Variants in ARHGAP15 observed in about 807,000 individuals in gnomAD.
ARHGAP15 encodes the protein Rho GTPase activating protein 15.
In ARHGAP15, 51 loss-of-function variants were observed where a neutral mutation model predicts 63.7. The observed-to-expected ratio is 0.80, with a 90% CI of 0.64 to 1.01. The LOEUF (loss-of-function observed/expected upper bound fraction) is 1.01, where lower values mean the gene tolerates loss of function less well. Among genes scored for constraint, ARHGAP15 ranks in the 50% least tolerant of loss-of-function variants. The pLI is 0.00. For synonymous variants in ARHGAP15, 191 were observed against 193.8 expected, an observed-to-expected ratio of 0.99 and a Z score of 0.12; for missense variants, 560 against 564.6, an observed-to-expected ratio of 0.99 and a Z score of 0.08.
chr2:143,749,831 G>A (rs895113854), intron 13 of ARHGAP15, among the ~76,000 whole-genome samples: 2 of 152,164 alleles, frequency 1.3e-5, no homozygotes, highest in Non-Finnish European at 2.9e-5. Flanking sequence ...GATAATAGTA[G>A]ATAAAACTCT....
At chr2:143,224,100 C>T (rs1014591818) in intron 4 of ARHGAP15, among the ~76,000 whole-genome samples, 36 of 152,122 alleles carry the variant, frequency 2.4e-4, no homozygotes, top group Non-Finnish European at 4.4e-5. Flanking sequence ...ATATAAAATG[C>T]CAGGTGGCAT....
intron 12 of ARHGAP15, among the ~76,000 whole-genome samples, chr2:143,657,793 CTGATT>C (rs1371473191): frequency 6.6e-6 from 1 of 152,306 alleles, no homozygotes; most frequent in South Asian, 2.1e-4. Flanking sequence ...CTCTCCCCTC[CTGATT>C]TGATTTGTTG....
intron 12 of ARHGAP15, among the ~76,000 whole-genome samples, chr2:143,626,855 G>A (rs919612533): frequency 1.3e-5 from 2 of 152,096 alleles, no homozygotes; most frequent in Admixed American, 6.6e-5. Flanking sequence ...ATTATGATCT[G>A]AAAGTTTGTT....
intron 2 of ARHGAP15, among the ~76,000 whole-genome samples, chr2:143,180,762 C>T (rs1197575554): frequency 2.6e-5 from 4 of 152,096 alleles, no homozygotes; most frequent in East Asian, 1.9e-4. Context: ...CAAGCTCTGC[C>T]TCCCGGGTTC....
chr2:143,384,198 T>C (rs2104948566), intron 6 of ARHGAP15, among the ~76,000 whole-genome samples: 1 of 152,262 alleles, frequency 6.6e-6, no homozygotes, highest in South Asian at 2.1e-4. Flanking sequence ...ATTTTTTTTT[T>C]CTTTTCGTTG....
At chr2:143,729,654 T>G (rs1003858795) in intron 13 of ARHGAP15, among the ~76,000 whole-genome samples, 12 of 152,150 alleles carry the variant, frequency 7.9e-5, no homozygotes, top group African/African-American at 2.7e-4. Flanking sequence ...GAAAAACAAA[T>G]TTTCACCTTA....
chr2:143,442,390 C>T (rs965185220), intron 8 of ARHGAP15, among the ~76,000 whole-genome samples: 1 of 152,052 alleles, frequency 6.6e-6, no homozygotes, highest in Non-Finnish European at 1.5e-5. Flanking sequence ...TAAGACTTCC[C>T]AGTAGCATTG....
At chr2:143,663,691 T>G (rs1325385921) in intron 12 of ARHGAP15, among the ~76,000 whole-genome samples, 1 of 151,760 alleles carries the variant, frequency 6.6e-6, no homozygotes, top group Non-Finnish European at 1.5e-5. Context: ...CAGAGACACA[T>G]ATAGGCTCAA....
At chr2:143,756,630 A>T (rs1188425779) in intron 13 of ARHGAP15, among the ~76,000 whole-genome samples, 1 of 152,154 alleles carries the variant, frequency 6.6e-6, no homozygotes, top group Non-Finnish European at 1.5e-5. Context: ...TTTTAAAAGC[A>T]TGAGGAAAAA....
intron 4 of ARHGAP15, among the ~76,000 whole-genome samples, chr2:143,223,268 C>T (rs750931992): frequency 1.6e-4 from 24 of 152,204 alleles, no homozygotes; most frequent in Non-Finnish European, 2.9e-4. Context: ...GCCACCGCAC[C>T]TGGCCCAACA....
At chr2:143,457,712 A>G (rs999728394) in intron 8 of ARHGAP15, among the ~76,000 whole-genome samples, 5 of 151,684 alleles carry the variant, frequency 3.3e-5, no homozygotes, top group African/African-American at 1.2e-4. Context: ...ATTATTTTAA[A>G]ATGTGATCTG....
At chr2:143,339,981 G>C (rs553884026) in intron 6 of ARHGAP15, among the ~76,000 whole-genome samples, 65 of 152,140 alleles carry the variant, frequency 4.3e-4, no homozygotes, top group Non-Finnish European at 6.9e-4. Context: ...ATTCCTTCTT[G>C]ATTTCTAAAC....
intron 11 of ARHGAP15, among the ~76,000 whole-genome samples, chr2:143,579,587 G>A (rs533525360): frequency 6.6e-6 from 1 of 152,196 alleles, no homozygotes; most frequent in African/African-American, 2.4e-5. Flanking sequence ...CGTGAGGGGA[G>A]CTCGTCCAAA....
chr2:143,422,475 G>A (rs946585893), intron 6 of ARHGAP15, among the ~76,000 whole-genome samples: 1 of 152,128 alleles, frequency 6.6e-6, no homozygotes, highest in African/African-American at 2.4e-5. Flanking sequence ...AATATTGGAA[G>A]GAAGTGTGTC....
At chr2:143,539,976 G>A (rs1315441559) in intron 10 of ARHGAP15, among the ~76,000 whole-genome samples, 1 of 152,114 alleles carries the variant, frequency 6.6e-6, no homozygotes, top group Admixed American at 6.5e-5. Context: ...TGTTGACAGT[G>A]GGGTGTTAAA....
intron 13 of ARHGAP15, among the ~76,000 whole-genome samples, chr2:143,705,858 C>T (rs1395965812): frequency 3.9e-5 from 6 of 152,144 alleles, no homozygotes; most frequent in Non-Finnish European, 7.4e-5. Flanking sequence ...GGATGACGAT[C>T]GTCCATGTCC....
intron 12 of ARHGAP15, among the ~76,000 whole-genome samples, chr2:143,673,746 G>GTATATATATATA (rs1405952200): frequency 0.018 from 522 of 29,296 alleles, 11 homozygotes; most frequent in Non-Finnish European, 0.044. Context: ...GTGTGTGTGT[G>GTATATATATATA]TGTGTGTGTG....
chr2:143,521,378 ATATTCT>A (rs1195783709), intron 10 of ARHGAP15, among the ~76,000 whole-genome samples: 17 of 152,194 alleles, frequency 1.1e-4, no homozygotes, highest in African/African-American at 3.9e-4. Context: ...TGTTGGATTA[ATATTCT>A]TATATTTATA....
At chr2:143,351,066 A>G (rs1685547710) in intron 6 of ARHGAP15, 1 of 152,136 alleles carries the variant, frequency 6.6e-6, no homozygotes, top group African/African-American at 2.4e-5. Context: ...GGAGTTGTAA[A>G]GACAATAGAC....
Sources: gnomAD v4.1 joint callset for allele counts (sites outside exome capture counted in the v4.1 genomes callset) on GRCh38, gnomAD v4.1.1 for gene constraint, MANE v1.5 for transcripts, NCBI Gene and HGNC (gene_info 2026-07-23, HGNC 2026-07-21) for gene names.